Variants in MUC7 observed in about 807,000 individuals in gnomAD.
MUC7 encodes mucin 7, secreted, also known as mucin-7.
MUC7 carries 2 observed loss-of-function variants against 2.5 expected under a neutral mutation model. The observed-to-expected ratio is 0.81, with a 90% CI of 0.33 to 2.55. The LOEUF is 2.55. MUC7 is among the 30% of genes most tolerant of loss of function. The pLI, the probability that MUC7 is intolerant of heterozygous loss-of-function variation, is 0.11. For missense variants in MUC7, 408 were observed against 455.6 expected (o/e 0.90, Z 0.95); for synonymous variants, 133 against 173.4 (o/e 0.77, Z 1.83).
chr4:70,480,985 C>G lies in MUC7; in HGVS notation c.241C>G (p.Pro81Ala), dbSNP rs775270784. The G allele has an allele frequency of 1.9e-6, 3 of 1,613,962 alleles. No homozygotes were observed. In the South Asian group the frequency reaches 3.3e-5, roughly 18 times the overall value. Residue 81 changes from proline to alanine, a missense_variant, in exon 3 of 3, where the codon CCC becomes GCC. Physicochemically the swap from Pro to Ala is conservative, Grantham distance 27. Around this residue, in one of 3 missense-constraint regions of MUC7, gnomAD observed 225 missense variants for 240.5 expected, o/e 0.94. Transcript: ENST00000304887. The stretch of plus-strand genomic sequence containing the variant: ...TAAGCTTCCACCTTCACCTAATAAC[C>G]CCCCCAAATTCCCAAATCCTCACCA... ...RPKLPPSPNN[P>A]PKFPNPHQPP...
chr4:70,471,710 T>C (rs1051579626), upstream of MUC7, among the ~76,000 whole-genome samples: 2 of 152,232 alleles, frequency 1.3e-5, no homozygotes, highest in Non-Finnish European at 2.9e-5. Context: ...TATTTAAAAA[T>C]TCAGTGTTGA....
chr4:70,432,537 A>G (rs1733702664), intron 1 of MUC7, among the ~76,000 whole-genome samples: 1 of 152,146 alleles, frequency 6.6e-6, no homozygotes, highest in African/African-American at 2.4e-5. Flanking sequence ...TGGCTGCATA[A>G]ATGTCTTCTT....
At chr4:70,434,371 C>T (rs1215273821) in intron 1 of MUC7, among the ~76,000 whole-genome samples, 1 of 152,082 alleles carries the variant, frequency 6.6e-6, no homozygotes. Context: ...TGTTGGTAAG[C>T]TATTAATTAT....
Position 70,481,141 on chromosome 4 carries a change from C to A in MUC7, c.397C>A (p.Pro133Thr). 6.2e-7 allele frequency: 1 copy of A among 1,614,174 alleles called. No homozygotes were observed. Among genetic ancestry groups the A allele is most frequent in the South Asian group, 1.1e-5 (1 of 91,078 alleles). ...TACCCTTCCAAATGTGACTTTTCTT[C>A]CCCAGAATGCCACCACCATATCTTC... Reference protein sequence around the residue: ...ITTLPNVTFLPQNATTISSRE... With the variant: ...ITTLPNVTFLTQNATTISSRE... The change falls in exon 3 of 3, where the codon CCC becomes ACC. Residue 133 changes from proline to threonine, a missense_variant. This residue lies in a region of MUC7 where 225 missense variants were observed against 240.5 expected (regional missense o/e 0.94). Coordinates refer to ENST00000304887, the MANE Select transcript of MUC7 (RefSeq NM_152291.3).
At chr4:70,471,019 T>A (rs1205144889), upstream of MUC7, among the ~76,000 whole-genome samples, 2 of 152,166 alleles carry the variant, frequency 1.3e-5, no homozygotes, top group African/African-American at 4.8e-5. Context: ...ATTACATGGC[T>A]ACTAAGTGGA....
intron 1 of MUC7, among the ~76,000 whole-genome samples, chr4:70,454,063 C>A (rs1347661842): frequency 6.6e-6 from 1 of 151,966 alleles, no homozygotes; most frequent in Non-Finnish European, 1.5e-5. Context: ...TCTTCTCAAG[C>A]AGAATAAAGG....
At chr4:70,453,569 G>A (rs1273530023) in intron 1 of MUC7, among the ~76,000 whole-genome samples, 1 of 151,918 alleles carries the variant, frequency 6.6e-6, no homozygotes, top group African/African-American at 2.4e-5. Flanking sequence ...TGTCCAAAAT[G>A]TAAGGCCTGG....
intron 1 of MUC7, among the ~76,000 whole-genome samples, chr4:70,440,980 G>GA (rs1168221093): frequency 6.6e-6 from 1 of 152,008 alleles, no homozygotes; most frequent in Non-Finnish European, 1.5e-5. Context: ...TTGGGAGGCA[G>GA]AAAAAAATTA....
chr4:70,433,115 C>T (rs528619617), intron 1 of MUC7, among the ~76,000 whole-genome samples: 3 of 152,296 alleles, frequency 2.0e-5, no homozygotes, highest in African/African-American at 7.2e-5. Context: ...CAGTACCATG[C>T]TGTTTTGGTT....
At chr4:70,436,429 T>G (rs1233576645) in intron 1 of MUC7, among the ~76,000 whole-genome samples, 1 of 152,154 alleles carries the variant, frequency 6.6e-6, no homozygotes, top group Non-Finnish European at 1.5e-5. Flanking sequence ...AGTCTTGTCT[T>G]CTCACTTTAT....
chr4:70,461,714 A>G (rs1734561388), intron 1 of MUC7, among the ~76,000 whole-genome samples: 1 of 152,168 alleles, frequency 6.6e-6, no homozygotes, highest in Non-Finnish European at 1.5e-5. Flanking sequence ...GGAAAGACAC[A>G]GAGCTCTCCG....
rs781643884 is a variant in MUC7 at position 70,481,169 on chromosome 4, G to C, written c.425G>C (p.Arg142Thr). 2 of 1,614,146 alleles carry C rather than the reference G, an allele frequency of 1.2e-6. No homozygotes were observed. Among genetic ancestry groups the C allele is most frequent in the Non-Finnish European group, 1.7e-6 (2 of 1,180,038 alleles). ...CAGAATGCCACCACCATATCTTCAA[G>C]AGAAAATGTTAACACAAGCTCTTCT... ...LPQNATTISS[R>T]ENVNTSSSVA... Residue 142 changes from arginine to threonine, a missense_variant, in exon 3 of 3, where the codon AGA (arginine) becomes ACA (threonine). Physicochemically the swap from Arg to Thr is moderately conservative, Grantham distance 71. Coordinates refer to ENST00000304887, the MANE Select transcript of MUC7 (RefSeq NM_152291.3).
intron 1 of MUC7, among the ~76,000 whole-genome samples, chr4:70,458,131 A>C (rs1397835438): frequency 6.6e-6 from 1 of 152,086 alleles, no homozygotes; most frequent in Non-Finnish European, 1.5e-5. Context: ...AAATTCACAT[A>C]CTAAATTAAG....
At chr4:70,469,040 T>C (rs1734759108), upstream of MUC7, among the ~76,000 whole-genome samples, 1 of 152,168 alleles carries the variant, frequency 6.6e-6, no homozygotes, top group African/African-American at 2.4e-5. Flanking sequence ...AACAACATGG[T>C]ACTGGCACCA....
chr4:70,430,840 A>C (rs1366111647), intron 1 of MUC7, among the ~76,000 whole-genome samples: 2 of 152,156 alleles, frequency 1.3e-5, no homozygotes, highest in Non-Finnish European at 2.9e-5. Context: ...TAGTAATGCT[A>C]TTTTATTTTT....
chr4:70,463,773 G>A (rs1109501), intron 1 of MUC7, among the ~76,000 whole-genome samples: 34,648 of 152,092 alleles, frequency 0.23, 4,686 homozygotes, highest in East Asian at 0.4. Context: ...TAGCCCTCCC[G>A]CTATGCAAGG....
intron 1 of MUC7, among the ~76,000 whole-genome samples, chr4:70,448,323 G>A (rs529335255): frequency 1.3e-5 from 2 of 152,204 alleles, no homozygotes; most frequent in East Asian, 1.9e-4. Flanking sequence ...TTGCTAGATC[G>A]TATGCTAGCT....
intron 1 of MUC7, among the ~76,000 whole-genome samples, chr4:70,443,144 T>C (rs1289258272): frequency 6.6e-6 from 1 of 152,116 alleles, no homozygotes; most frequent in African/African-American, 2.4e-5. Context: ...GATGTTTATA[T>C]TCACCCTAAA....
intron 1 of MUC7, among the ~76,000 whole-genome samples, chr4:70,442,012 G>A (rs72853705): frequency 0.058 from 8,856 of 152,198 alleles, 845 homozygotes; most frequent in African/African-American, 0.2. Flanking sequence ...AAAGGACCTT[G>A]AACAAAACCA....
Sources: gnomAD v4.1 joint callset for allele counts (sites outside exome capture counted in the v4.1 genomes callset) on GRCh38, gnomAD v4.1.1 for gene constraint, gnomAD v4.1.1 regional missense constraint, MANE v1.5 for transcripts, NCBI Gene and HGNC (gene_info 2026-07-23, HGNC 2026-07-21) for gene names.